PDP2: variants seen among roughly 807,000 people sequenced by gnomAD.
The protein encoded by PDP2 is [Pyruvate dehydrogenase [acetyl-transferring]]-phosphatase 2, mitochondrial.
Under a neutral mutation model 34.2 loss-of-function variants are expected in PDP2, and 23 were observed. The observed-to-expected ratio is 0.67, with a 90% CI of 0.48 to 0.95. PDP2 has a LOEUF of 0.95. Ranked by LOEUF, PDP2 falls within the 40% of genes least tolerant of loss-of-function variation. PDP2 has a pLI of 0.00. For missense variants in PDP2, 571 were observed against 659.6 expected (o/e 0.87, Z 1.47); for synonymous variants, 275 against 269.2 (o/e 1.02, Z -0.21).
chr16:66,882,938 A>G (rs189739070), intron 1 of PDP2: 1 of 151,744 alleles, frequency 6.6e-6, no homozygotes, highest in East Asian at 2.0e-4. Flanking sequence ...CAATCCTCTC[A>G]CCTCAGCCTT....
At chr16:66,884,193 A>AAG (rs1961633818) in intron 1 of PDP2, 38 bp from the exon 2 acceptor site, 1 of 1,147,984 alleles carries the variant, frequency 8.7e-7, no homozygotes, top group South Asian at 1.7e-5. Context: ...AAAAAAAAAA[A>AAG]GAAATTAAAT....
intron 1 of PDP2, among the ~76,000 whole-genome samples, chr16:66,881,859 T>C (rs1310949175): frequency 1.3e-5 from 2 of 152,054 alleles, no homozygotes; most frequent in African/African-American, 4.8e-5. Flanking sequence ...CTAAAAATTT[T>C]TGTAGAGATG....
chr16:66,884,501 T>G lies in PDP2; in HGVS notation c.217T>G (p.Phe73Val), dbSNP rs764352900. The change falls in exon 2 of 2, where the codon TTT becomes GTT. Residue 73 changes from phenylalanine to valine, a missense_variant. Transcript: ENST00000311765. ...YRHTSTEEDDFHLQLSPEQIN... is the reference protein window; with the variant it reads ...YRHTSTEEDDVHLQLSPEQIN... ...ACACACATCAACAGAGGAAGATGAT[T>G]TTCACTTGCAACTCAGCCCTGAGCA... 1 of 1,614,198 alleles carries G rather than the reference T, an allele frequency of 6.2e-7. No homozygotes were observed. Among genetic ancestry groups the G allele is most frequent in the African/African-American group, 1.3e-5 (1 of 75,048 alleles).
At chr16:66,883,994 G>A (rs755263737) in intron 1 of PDP2, among the ~76,000 whole-genome samples, 17 of 151,544 alleles carry the variant, frequency 1.1e-4, no homozygotes, top group Non-Finnish European at 2.2e-4. Context: ...CTAACATGGT[G>A]AAACCCTGTC....
chr16:66,886,516 C>G lies in PDP2; in HGVS notation c.*642C>G, dbSNP rs749772024. ...AACTTGCAAACACGCCTACTGTAAG[C>G]ATGCTTGGAATGACTTGTTTTGGTT... On this transcript the variant is annotated 3_prime_UTR_variant, in exon 2 of 2. Transcript: ENST00000311765. 14 of 467,924 alleles carry G rather than the reference C, an allele frequency of 3.0e-5. No individual in the cohort carries two copies. The East Asian group carries it at 4.2e-4, about 14-fold the overall frequency. 29.0% of individuals were successfully genotyped at this position (467,924 alleles called of 1,614,324 possible). A position where few individuals can be genotyped will look rare whatever the true frequency, so the allele number is the denominator to read the frequency against.
rs1312726629 is a variant in PDP2, at chr16:66,880,545, C to T, written c.-150C>T. The stretch of plus-strand genomic sequence containing the variant: ...GGAGCTGGGTCCTGACTAGGGACCG[C>T]CTGGGTGAGGTGAGGACCTGGTGGC... On this transcript the variant is annotated 5_prime_UTR_variant, in exon 1 of 2. Transcript: ENST00000311765. The T allele has an allele frequency of 6.6e-6, 1 of 152,598 alleles. No individual in the cohort carries two copies. Among genetic ancestry groups the T allele is most frequent in the African/African-American group, 2.4e-5 (1 of 41,458 alleles). 9.5% of individuals were successfully genotyped at this position (152,598 alleles called of 1,614,324 possible). A position where few individuals can be genotyped will look rare whatever the true frequency, so the allele number is the denominator to read the frequency against.
chr16:66,888,644 A>G lies in PDP2; in HGVS notation c.*2770A>G, dbSNP rs1961885260. On this transcript the variant is annotated 3_prime_UTR_variant, in exon 2 of 2. Transcript: ENST00000311765. ...TAATTAAAAAAACTTTTTTTGGTGA[A>G]AACATGATCTTGCTATGTTGCTCAG... 1 of 152,188 alleles carries G rather than the reference A, an allele frequency of 6.6e-6. No homozygotes were observed. Among genetic ancestry groups the G allele is most frequent in the East Asian group, 1.9e-4 (1 of 5,200 alleles). 9.4% of individuals were successfully genotyped at this position (152,188 alleles called of 1,614,324 possible).
At position 66,887,873 on chromosome 16, in the gene PDP2, A is replaced by T. The variant is rs1331344583; in HGVS notation, c.*1999A>T. 1.3e-5 allele frequency: 2 copies of T among 149,344 alleles called. No individual in the cohort carries two copies. Among genetic ancestry groups the T allele is most frequent in the African/African-American group, 5.0e-5 (2 of 40,364 alleles). The allele number at this position is 149,344 out of a possible 1,614,324, so 9.3% of individuals were successfully genotyped here. ...AGGCTGAGGCAGGAAAATCACTTGAACCCGGGAGGCGGAGGTTGCGGTGAG... is the reference window on the plus strand; with the variant it reads ...AGGCTGAGGCAGGAAAATCACTTGATCCCGGGAGGCGGAGGTTGCGGTGAG... On this transcript the variant is annotated 3_prime_UTR_variant, in exon 2 of 2. Transcript: ENST00000311765.
rs891906898 is a variant in PDP2, at chr16:66,887,612, T to G, written c.*1738T>G. 6 of 167,130 alleles carry G rather than the reference T, an allele frequency of 3.6e-5. No homozygotes were observed. The highest frequency in any genetic ancestry group is 1.4e-4 in the African/African-American group (6 of 41,468). 10.4% of individuals were successfully genotyped at this position (167,130 alleles called of 1,614,324 possible). On this transcript the variant is annotated 3_prime_UTR_variant, in exon 2 of 2. Coordinates refer to ENST00000311765, the MANE Select transcript of PDP2 (RefSeq NM_020786.4). ...AGTCATGTGTTTTCATCTAAGAAAT[T>G]ATCTTTTGAATATTTAAGCCTTGAT...
intron 1 of PDP2, among the ~76,000 whole-genome samples, chr16:66,881,478 AG>A (rs1961517135): frequency 6.9e-6 from 1 of 144,844 alleles, no homozygotes; most frequent in African/African-American, 2.7e-5. Context: ...TTATATTCCA[AG>A]GAAAAGTACC....
chr16:66,881,601 T>G (rs1448492518), intron 1 of PDP2, among the ~76,000 whole-genome samples: 2 of 152,144 alleles, frequency 1.3e-5, no homozygotes, highest in African/African-American at 2.4e-5. Context: ...TACTGACTCC[T>G]TGTTTGGGAA....
At chr16:66,881,770 T>C (rs935100017) in intron 1 of PDP2, among the ~76,000 whole-genome samples, 3 of 152,112 alleles carry the variant, frequency 2.0e-5, no homozygotes, top group Non-Finnish European at 4.4e-5. Flanking sequence ...AGTCTTGAAA[T>C]CTTGGGCTCA....
chr16:66,884,472 A>G lies in PDP2; in HGVS notation c.188A>G (p.Tyr63Cys). 7 of 1,614,208 alleles carry G rather than the reference A, an allele frequency of 4.3e-6. No individual in the cohort carries two copies. Among genetic ancestry groups the G allele is most frequent in the South Asian group, 1.1e-5 (1 of 91,088 alleles). ...GGTGGCTTTACTCTGTGCAAAGCCTACAGACACACATCAACAGAGGAAGAT... is the reference window on the plus strand; with the variant it reads ...GGTGGCTTTACTCTGTGCAAAGCCTGCAGACACACATCAACAGAGGAAGAT... ...PCGGFTLCKA[Y>C]RHTSTEEDDF... Residue 63 changes from tyrosine (Y) to cysteine (C), a missense_variant, in exon 2 of 2, where the codon TAC becomes TGC. Around this residue, in one of 2 missense-constraint regions of PDP2, gnomAD observed 290 missense variants for 283.8 expected, o/e 1.02. Transcript: ENST00000311765.
chr16:66,885,587 G>C lies in PDP2; in HGVS notation c.1303G>C (p.Asp435His), dbSNP rs933715692. ...GGTGGTGGGGCACCTGGCTGAGGCAGATTGGCACAAGACAGACCTGGCCCA... is the reference window on the plus strand; with the variant it reads ...GGTGGTGGGGCACCTGGCTGAGGCACATTGGCACAAGACAGACCTGGCCCA... ...RLVVGHLAEA[D>H]WHKTDLAQRP... The change falls in exon 2 of 2, where the codon GAT becomes CAT. Residue 435 changes from aspartate (D) to histidine (H), a missense_variant. By Grantham distance (81) the Asp-to-His change is moderately conservative (BLOSUM62 -1). Transcript: ENST00000311765. This position sits in a 1 kb window ranked among gnomAD's most constrained non-coding sequence, Gnocchi z 4.6. The C allele has an allele frequency of 5.0e-6, 8 of 1,614,106 alleles. No homozygotes were observed. The highest frequency in any genetic ancestry group is 1.6e-4 in the Middle Eastern group (1 of 6,062).
In PDP2 at chr16:66,889,087, A is replaced by T. The variant is rs1368923108; in HGVS notation, c.*3213A>T. ...TGGGCTACTGCCCCAGGACACTGGG[A>T]TTTGAGAGGAGTTTAGTGGTAATTG... On this transcript the variant is annotated 3_prime_UTR_variant, in exon 2 of 2. Coordinates refer to ENST00000311765, the MANE Select transcript of PDP2 (RefSeq NM_020786.4). 2 of 152,162 alleles carry T rather than the reference A, an allele frequency of 1.3e-5. No individual in the cohort carries two copies. Among genetic ancestry groups the T allele is most frequent in the Admixed American group, 6.6e-5 (1 of 15,266 alleles). 9.4% of individuals were successfully genotyped at this position (152,162 alleles called of 1,614,324 possible).
At position 66,886,905 on chromosome 16, in the gene PDP2, T is replaced by C. The variant is rs1447038957; in HGVS notation, c.*1031T>C. 3 of 180,152 alleles carry C rather than the reference T, an allele frequency of 1.7e-5. No homozygotes were observed. Among genetic ancestry groups the C allele is most frequent in the Non-Finnish European group, 1.3e-5 (1 of 74,962 alleles). 11.2% of individuals were successfully genotyped at this position (180,152 alleles called of 1,614,324 possible). The stretch of plus-strand genomic sequence containing the variant: ...TATGGCTGCAGGAAAGGAGAAAATG[T>C]GATTGCATGTGGTAGTTGTGGTGAT... On this transcript the variant is annotated 3_prime_UTR_variant, in exon 2 of 2. Transcript: ENST00000311765.
chr16:66,883,536 T>C (rs1690475488), intron 1 of PDP2, among the ~76,000 whole-genome samples: 1 of 152,172 alleles, frequency 6.6e-6, no homozygotes, highest in South Asian at 2.1e-4. Flanking sequence ...CTTACCAGGC[T>C]CAGATGATTC....
rs1393728025 is a variant in PDP2, at chr16:66,889,864, A to T, written c.*3990A>T. 6.6e-6 allele frequency: 1 copy of T among 151,154 alleles called. No individual in the cohort carries two copies. Among genetic ancestry groups the T allele is most frequent in the African/African-American group, 2.4e-5 (1 of 41,076 alleles). 9.4% of individuals were successfully genotyped at this position (151,154 alleles called of 1,614,324 possible). A position where few individuals can be genotyped will look rare whatever the true frequency, so the allele number is the denominator to read the frequency against. ...AGTCTCAGCTGCTTGGAAGGCTGAA[A>T]TGAGAGGATCTCTTGAGCCCAGGAG... On this transcript the variant is annotated 3_prime_UTR_variant, in exon 2 of 2. Transcript: ENST00000311765.
chr16:66,884,365 C>G lies in PDP2; in HGVS notation c.81C>G (p.Tyr27Ter). 1.9e-6 allele frequency: 3 copies of G among 1,614,026 alleles called. No homozygotes were observed. The South Asian group carries it at 3.3e-5, about 18-fold the overall frequency. Residue 27 changes from tyrosine to a stop codon, truncating the protein, a stop_gained, in exon 2 of 2, where the codon TAC becomes TAG. Transcript: ENST00000311765. LOFTEE classifies it high-confidence loss of function. ...IATLQGGRRL[Y>*]SRYVSNRNKL... The stretch of plus-strand genomic sequence containing the variant: ...CATTGCAAGGGGGTAGACGCTTATA[C>G]TCCAGGTATGTCTCAAATAGGAATA...
Sources: gnomAD v4.1 joint callset for allele counts (sites outside exome capture counted in the v4.1 genomes callset) on GRCh38, gnomAD v4.1.1 for gene constraint, gnomAD v4.1.1 regional missense constraint, Gnocchi (gnomAD v3.1) non-coding constraint, MANE v1.5 for transcripts, NCBI Gene and HGNC (gene_info 2026-07-23, HGNC 2026-07-21) for gene names.